DLGAP2: variants seen among roughly 807,000 people sequenced by gnomAD.
DLGAP2 encodes DLG associated protein 2.
DLGAP2 carries 26 observed loss-of-function variants against 100.3 expected under a neutral mutation model. That is an observed-to-expected ratio of 0.26 (90% CI 0.19 to 0.36). The LOEUF (loss-of-function observed/expected upper bound fraction) is 0.36, where lower values mean the gene tolerates loss of function less well. Among genes scored for constraint, DLGAP2 ranks in the 10% least tolerant of loss-of-function variants. The pLI is 1.00. For missense variants in DLGAP2, 1,858 were observed against 1,453.2 expected, an observed-to-expected ratio of 1.28 and a Z score of -4.53; for synonymous variants, 886 against 630.1, an observed-to-expected ratio of 1.41 and a Z score of -6.08.
chr8:766,003 C>G (rs973744686), intron 1 of DLGAP2, among the ~76,000 whole-genome samples: 3 of 152,260 alleles, frequency 2.0e-5, no homozygotes, highest in South Asian at 4.1e-4. Flanking sequence ...CCAGTCTCTA[C>G]TAAAAATACA....
At chr8:1,426,965 TTG>T (rs1797254890) in intron 3 of DLGAP2, among the ~76,000 whole-genome samples, 1 of 152,164 alleles carries the variant, frequency 6.6e-6, no homozygotes, top group Non-Finnish European at 1.5e-5. Flanking sequence ...ATAAAAAATA[TTG>T]TGTCTTATTG....
intron 12 of DLGAP2, among the ~76,000 whole-genome samples, chr8:1,690,721 A>G (rs1799237672): frequency 6.6e-6 from 1 of 151,772 alleles, no homozygotes; most frequent in East Asian, 1.9e-4. Context: ...AAAAAAAAAA[A>G]AAAAAAAATT....
In DLGAP2 at chr8:1,548,912, C is replaced by T. The variant is rs1306281525; in HGVS notation, c.459C>T (p.Gly153=). Residue 153 remains glycine (G), a synonymous_variant, in exon 5 of 15, where the codon GGC becomes GGT. Coordinates refer to ENST00000637795, the MANE Select transcript of DLGAP2 (RefSeq NM_001346810.2). ...SECVMMPVVL[G]DHVSSSTFPR... Reference sequence around the variant, plus strand: ...GCGTGATGATGCCGGTGGTGCTGGGCGACCACGTGTCCAGCAGCACCTTCC... The same window carrying T: ...GCGTGATGATGCCGGTGGTGCTGGGTGACCACGTGTCCAGCAGCACCTTCC... 3 of 1,597,776 alleles carry T rather than the reference C, an allele frequency of 1.9e-6. No individual in the cohort carries two copies. The highest frequency in any genetic ancestry group is 1.3e-5 in the African/African-American group (1 of 75,004).
intron 2 of DLGAP2, among the ~76,000 whole-genome samples, chr8:1,092,447 C>T (rs931721164): frequency 1.3e-5 from 2 of 152,312 alleles, no homozygotes; most frequent in Non-Finnish European, 1.5e-5. Context: ...GCACTTTCCC[C>T]TTCCTCTTTG....
chr8:1,688,871 T>A (rs1799180670), intron 12 of DLGAP2, among the ~76,000 whole-genome samples: 1 of 152,204 alleles, frequency 6.6e-6, no homozygotes. Context: ...CCCTTTCAAA[T>A]CAAGGTTATC....
intron 2 of DLGAP2, among the ~76,000 whole-genome samples, chr8:1,204,726 T>C (rs1430534407): frequency 6.6e-6 from 1 of 152,026 alleles, no homozygotes; most frequent in African/African-American, 2.4e-5. Context: ...GGGATGGAGA[T>C]GGATGAGGCA....
At chr8:1,262,944 G>C (rs1388659839) in intron 3 of DLGAP2, among the ~76,000 whole-genome samples, 1 of 152,186 alleles carries the variant, frequency 6.6e-6, no homozygotes, top group Non-Finnish European at 1.5e-5. Context: ...CACCACAGCA[G>C]ATAGATTTTC....
intron 6 of DLGAP2, among the ~76,000 whole-genome samples, chr8:1,571,200 G>C (rs1802658368): frequency 7.2e-6 from 1 of 139,630 alleles, no homozygotes; most frequent in Non-Finnish European, 1.5e-5. Context: ...CTGATGAGAT[G>C]GAGAGGGGAG....
rs138308181 is a variant in DLGAP2 at position 1,508,920 on chromosome 8, C to T, written c.172+7489C>T. Reference sequence around the variant, plus strand: ...GCCACATTCTCAATGGTTTTCTGTTCTGCAGTTCTTTAGAGCACTGAGTTT... The same window carrying T: ...GCCACATTCTCAATGGTTTTCTGTTTTGCAGTTCTTTAGAGCACTGAGTTT... On this transcript the variant is annotated intron_variant, in intron 4 of 14. Transcript: ENST00000637795. 3.0e-3 allele frequency among the ~76,000 whole-genome samples: 459 copies of T among 152,164 alleles called. 2 individuals carry two copies. Among genetic ancestry groups the T allele is most frequent in the Non-Finnish European group, 4.0e-3 (274 of 68,026 alleles).
intron 2 of DLGAP2, among the ~76,000 whole-genome samples, chr8:1,189,813 G>A (rs1797594924): frequency 6.6e-6 from 1 of 152,186 alleles, no homozygotes; most frequent in Admixed American, 6.5e-5. Context: ...CTGCAGGAGG[G>A]GTCCCCCTGA....
chr8:831,009 C>T (rs1328200976), intron 1 of DLGAP2, among the ~76,000 whole-genome samples: 3 of 151,390 alleles, frequency 2.0e-5, no homozygotes, highest in Admixed American at 2.0e-4. Flanking sequence ...GATTCTCCTG[C>T]CTCAGCCTCC....
At chr8:1,153,472 T>A (rs139985264) in intron 2 of DLGAP2, among the ~76,000 whole-genome samples, 1 of 152,332 alleles carries the variant, frequency 6.6e-6, no homozygotes, top group African/African-American at 2.4e-5. Context: ...AGTCGCGTGA[T>A]TATACGAAAT....
chr8:1,318,057 G>A (rs577738136), intron 3 of DLGAP2, among the ~76,000 whole-genome samples: 5 of 31,734 alleles, frequency 1.6e-4, no homozygotes, highest in South Asian at 1.4e-3. Context: ...GTCTACACTC[G>A]AGACACTCGT....
At chr8:1,634,378 G>C (rs546203477) in intron 8 of DLGAP2, among the ~76,000 whole-genome samples, 1 of 152,166 alleles carries the variant, frequency 6.6e-6, no homozygotes, top group Admixed American at 6.5e-5. Context: ...CTTTCTGTAC[G>C]AGGGAGGGTG....
intron 2 of DLGAP2, among the ~76,000 whole-genome samples, chr8:1,111,791 A>T (rs1403860585): frequency 6.6e-6 from 1 of 152,096 alleles, no homozygotes; most frequent in Admixed American, 6.5e-5. Flanking sequence ...CACATTCTCT[A>T]TATTCAGTCT....
chr8:1,206,902 G>A (rs1798008584), intron 2 of DLGAP2, among the ~76,000 whole-genome samples: 1 of 152,058 alleles, frequency 6.6e-6, no homozygotes, highest in East Asian at 1.9e-4. Context: ...TCTGCCCCCG[G>A]CCCCGTCTCC....
chr8:1,202,455 C>A (rs147383983), intron 2 of DLGAP2, among the ~76,000 whole-genome samples: 39 of 152,158 alleles, frequency 2.6e-4, no homozygotes, highest in African/African-American at 8.9e-4. Context: ...GTTTGGGTTT[C>A]TTATAATGGG....
At chr8:912,577 G>A (rs1358277869) in intron 2 of DLGAP2, among the ~76,000 whole-genome samples, 2 of 152,078 alleles carry the variant, frequency 1.3e-5, no homozygotes, top group African/African-American at 4.8e-5. Context: ...GCAGCCACCA[G>A]TTGTCTCCAG....
Position 987,159 on chromosome 8 carries a change from T to G in DLGAP2, c.73+79193T>G, listed in dbSNP as rs545444642. ...TCTCTCTGCTCTCCTTCCTATTCAG[T>G]GGTGCCACCGGAGGTTGGTTTGTGA... On this transcript the variant is annotated intron_variant, in intron 2 of 14. Transcript: ENST00000637795. Among the ~76,000 whole-genome samples, 5 of 152,280 alleles carry G rather than the reference T, an allele frequency of 3.3e-5. No homozygotes were observed. The East Asian group carries it at 9.7e-4, about 29-fold the overall frequency.
Sources: allele counts gnomAD v4.1 joint callset (sites outside exome capture counted in the v4.1 genomes callset), GRCh38; gene constraint gnomAD v4.1.1; transcripts MANE v1.5; gene names NCBI Gene and HGNC (gene_info 2026-07-23, HGNC 2026-07-21).